LBR: variants seen among roughly 807,000 people sequenced by gnomAD.
LBR encodes delta(14)-sterol reductase LBR.
Under a neutral mutation model 74.3 loss-of-function variants are expected in LBR, and 28 were observed. That is an observed-to-expected ratio of 0.38 (90% CI 0.28 to 0.52). The LOEUF (loss-of-function observed/expected upper bound fraction) is 0.52. Ranked by LOEUF, LBR falls within the 20% of genes least tolerant of loss-of-function variation. The pLI is 0.89. For missense variants in LBR, 717 were observed against 760.3 expected (o/e 0.94, Z 0.67); for synonymous variants, 228 against 269.3 (o/e 0.85, Z 1.50).
At chr1:225,403,874 C>G (rs2096086073) in intron 13 of LBR, among the ~76,000 whole-genome samples, 1 of 134,022 alleles carries the variant, frequency 7.5e-6, no homozygotes, top group Non-Finnish European at 1.6e-5. Flanking sequence ...CCCCAGTTCC[C>G]CCAGCTCCCC....
chr1:225,420,977 G>GT lies in LBR; in HGVS notation c.366+1099dup, dbSNP rs141997416. ...AGATGTTACATAAAAATACTTGTTT[G>GT]TAATAGTGAAAATATGGAAGGAAAA... On this transcript the variant is annotated intron_variant, in intron 3 of 13. Transcript: ENST00000272163. Among the ~76,000 whole-genome samples, 1,151 of 152,266 alleles carry GT rather than the reference G, an allele frequency of 7.6e-3. 11 individuals carry two copies. The highest frequency in any genetic ancestry group is 0.017 in the South Asian group (82 of 4,830).
At chr1:225,415,412 T>G (rs1412265366) in intron 6 of LBR, 80 bp from the exon 7 acceptor site, 12 of 715,974 alleles carry the variant, frequency 1.7e-5, no homozygotes, top group Non-Finnish European at 2.6e-5. Context: ...ATATATATAT[T>G]CTAGTATCAC....
intron 7 of LBR, chr1:225,413,971 A>G (rs1248557305): frequency 1.1e-5 from 5 of 456,706 alleles, no homozygotes; most frequent in African/African-American, 4.0e-5. Flanking sequence ...TGGTACCTAC[A>G]GAGAAACACA....
intron 7 of LBR, chr1:225,414,297 G>A: frequency 5.5e-6 from 2 of 362,850 alleles, no homozygotes; most frequent in South Asian, 2.1e-5. Flanking sequence ...ACTGCAGACA[G>A]AGTAGATGCT....
intron 1 of LBR, among the ~76,000 whole-genome samples, chr1:225,426,560 G>A (rs769614943): frequency 6.6e-6 from 1 of 152,098 alleles, no homozygotes; most frequent in Non-Finnish European, 1.5e-5. Context: ...TTCCAGCTCC[G>A]GTATGTTACT....
intron 2 of LBR, among the ~76,000 whole-genome samples, chr1:225,422,806 C>G (rs1055544850): frequency 6.6e-6 from 1 of 152,210 alleles, no homozygotes; most frequent in Non-Finnish European, 1.5e-5. Flanking sequence ...AGGCCAAGTC[C>G]CTCACCCCAA....
intron 2 of LBR, among the ~76,000 whole-genome samples, chr1:225,423,453 C>G (rs571366718): frequency 6.6e-6 from 1 of 152,124 alleles, no homozygotes; most frequent in South Asian, 2.1e-4. Context: ...CCTACCACCC[C>G]CTTCCAGCAC....
At position 225,404,962 on chromosome 1, in the gene LBR, G is replaced by A. The variant is rs553356205; in HGVS notation, c.1484-256C>T. 1.2e-3 allele frequency among the ~76,000 whole-genome samples: 181 copies of A among 152,222 alleles called. 1 individual carries two copies. Among genetic ancestry groups the A allele is most frequent in the African/African-American group, 4.2e-3 (173 of 41,520 alleles). On this transcript the variant is annotated intron_variant, in intron 11 of 13. Coordinates refer to ENST00000272163, the MANE Select transcript of LBR (RefSeq NM_002296.4). ...TATGTAAAAAGATGGTAACCCGTCC[G>A]AAATCTATCACACTACTTTAATCAT... is the stretch of plus-strand genomic sequence containing the variant.
intron 10 of LBR, among the ~76,000 whole-genome samples, chr1:225,408,259 C>T (rs1195869776): frequency 6.6e-6 from 1 of 152,196 alleles, no homozygotes; most frequent in Non-Finnish European, 1.5e-5. Context: ...ACTTTTTTAG[C>T]GCCCACATAT....
At chr1:225,411,281 T>C in intron 9 of LBR, 56 bp downstream of exon 9, 1 of 1,222,928 alleles carries the variant, frequency 8.2e-7, no homozygotes, top group Non-Finnish European at 1.2e-6. Context: ...CATTTCTTTC[T>C]AGCAGTTAAT....
At position 225,402,327 on chromosome 1, in the gene LBR, C is replaced by T. The variant is rs1247153603; in HGVS notation, c.*976G>A. ...TAGCCTGAAATGGCAAATTTTCAAACACCGATCTGTGTAAAAATGTTTAAA... is the reference window on the plus strand; with the variant it reads ...TAGCCTGAAATGGCAAATTTTCAAATACCGATCTGTGTAAAAATGTTTAAA... On this transcript the variant is annotated 3_prime_UTR_variant, in exon 14 of 14. Coordinates refer to ENST00000272163, the MANE Select transcript of LBR (RefSeq NM_002296.4). 1 of 152,134 alleles carries T rather than the reference C, an allele frequency of 6.6e-6. No homozygotes were observed. The highest frequency in any genetic ancestry group is 2.4e-5 in the African/African-American group (1 of 41,430). 9.4% of individuals were successfully genotyped at this position (152,134 alleles called of 1,614,324 possible).
intron 8 of LBR, 117 bp from the exon 9 acceptor site, chr1:225,411,557 AG>A: frequency 1.3e-6 from 1 of 786,124 alleles, no homozygotes; most frequent in East Asian, 2.6e-5. Context: ...GACCCTGAGC[AG>A]GGCTCTGGTG....
intron 9 of LBR, among the ~76,000 whole-genome samples, chr1:225,410,761 C>A (rs961012670): frequency 6.6e-6 from 1 of 152,218 alleles, no homozygotes; most frequent in Non-Finnish European, 1.5e-5. Context: ...AACTATTAGA[C>A]TAGAGAAGAC....
At chr1:225,404,281 A>G (rs2096086897) in intron 13 of LBR, 123 bp downstream of exon 13, 17 of 1,331,378 alleles carry the variant, frequency 1.3e-5, no homozygotes, top group Non-Finnish European at 1.1e-5. Flanking sequence ...CCAACCTCAC[A>G]GTAGAAAAGG....
Position 225,418,121 on chromosome 1 carries a change from T to C in LBR, c.700A>G (p.Lys234Glu), listed in dbSNP as rs780571341. The change falls in exon 6 of 14, where the codon AAA becomes GAA. Residue 234 changes from lysine (K) to glutamate (E), a missense_variant. Lys to Glu is a moderately conservative substitution (Grantham distance 56). Coordinates refer to ENST00000272163, the MANE Select transcript of LBR (RefSeq NM_002296.4). ...VFLFLLLLMC[K>E]QKDPSLLNFP... Reference sequence around the variant, plus strand: ...TTCAGAAGACTGGGATCTTTCTGTTTACACATCAACAGCAACAGGAAGAGG... The same window carrying C: ...TTCAGAAGACTGGGATCTTTCTGTTCACACATCAACAGCAACAGGAAGAGG... 1 of 1,614,174 alleles carries C rather than the reference T, an allele frequency of 6.2e-7. No individual in the cohort carries two copies. The highest frequency in any genetic ancestry group is 1.7e-5 in the Admixed American group (1 of 60,026).
At position 225,422,194 on chromosome 1, in the gene LBR, G is replaced by T. The variant is rs756952587; in HGVS notation, c.249C>A (p.Arg83=). Residue 83 remains arginine (R), a synonymous_variant, in exon 3 of 14, where the codon CGC becomes CGA. Transcript: ENST00000272163. ...SRRRGSRSRS[R]SRSPGRPPKS... ...TAGGTGGTCGACCAGGGGATCGGGAGCGTGACCTTGATCGACTCCCTCGGC... is the reference window on the plus strand; with the variant it reads ...TAGGTGGTCGACCAGGGGATCGGGATCGTGACCTTGATCGACTCCCTCGGC... The T allele has an allele frequency of 3.7e-6, 6 of 1,613,918 alleles. No homozygotes were observed. The highest frequency in any genetic ancestry group is 1.3e-5 in the African/African-American group (1 of 74,888).
At chr1:225,415,942 C>T (rs937149614) in intron 6 of LBR, among the ~76,000 whole-genome samples, 1 of 152,032 alleles carries the variant, frequency 6.6e-6, no homozygotes, top group East Asian at 1.9e-4. Flanking sequence ...GTGACTCATG[C>T]CTGTAATCCC....
chr1:225,418,463 A>G (rs1430393589), intron 5 of LBR, among the ~76,000 whole-genome samples: 1 of 152,158 alleles, frequency 6.6e-6, no homozygotes, highest in Non-Finnish European at 1.5e-5. Context: ...GCTCTAAAAC[A>G]TTTGACCTCC....
intron 11 of LBR, among the ~76,000 whole-genome samples, chr1:225,405,203 T>C (rs948446165): frequency 1.3e-5 from 2 of 152,228 alleles, no homozygotes; most frequent in Non-Finnish European, 2.9e-5. Context: ...TCCTGCACTT[T>C]AAATACATGC....
Sources: gnomAD v4.1 joint callset for allele counts (sites outside exome capture counted in the v4.1 genomes callset) on GRCh38, gnomAD v4.1.1 for gene constraint, MANE v1.5 for transcripts, NCBI Gene and HGNC (gene_info 2026-07-23, HGNC 2026-07-21) for gene names.